OR1L8: variants seen among roughly 807,000 people sequenced by gnomAD.
The protein encoded by OR1L8 is olfactory receptor family 1 subfamily L member 8, also known as olfactory receptor 1L8.
For synonymous variants in OR1L8, 148 were observed against 147.0 expected (o/e 1.01, Z -0.05); for missense variants, 330 against 377.4 (o/e 0.87, Z 1.04).
chr9:122,574,670 A>G (rs1443965467), intron 3 of OR1L8, among the ~76,000 whole-genome samples: 2 of 152,026 alleles, frequency 1.3e-5, no homozygotes, highest in African/African-American at 2.4e-5. Context: ...TCAAATCTGT[A>G]TATCTTTTAT....
Position 122,568,318 on chromosome 9 carries a change from G to C in OR1L8, c.160C>G (p.Pro54Ala). The C allele has an allele frequency of 6.2e-7, 1 of 1,614,130 alleles. No homozygotes were observed. Among genetic ancestry groups the C allele is most frequent in the Non-Finnish European group, 8.5e-7 (1 of 1,179,998 alleles). ...AAATACATAGGGGTCTGAAGATGGGGGTTGAAGCGAATGGCCAGGATGATG... is the reference window on the plus strand; with the variant it reads ...AAATACATAGGGGTCTGAAGATGGGCGTTGAAGCGAATGGCCAGGATGATG... Reference protein sequence around the residue: ...LLIILAIRFNPHLQTPMYFFL... With the variant: ...LLIILAIRFNAHLQTPMYFFL... Residue 54 changes from proline to alanine, a missense_variant, in exon 5 of 5, where the codon CCC (proline) becomes GCC (alanine). Transcript: ENST00000641027.
the OR1L8 span, among the ~76,000 whole-genome samples, chr9:122,550,192 A>G: frequency 6.6e-6 from 1 of 152,156 alleles, no homozygotes; most frequent in Non-Finnish European, 1.5e-5. Context: ...ATCTCCGAAG[A>G]TTGTGCCAGG....
At chr9:122,552,749 AGT>A in the OR1L8 span, among the ~76,000 whole-genome samples, 3,216 of 129,604 alleles carry the variant, frequency 0.025, 71 homozygotes, top group South Asian at 0.12. Flanking sequence ...AGAGGGCTTG[AGT>A]GTGTGTGTGT....
At position 122,567,799 on chromosome 9, in the gene OR1L8, G is replaced by T; in HGVS notation, c.679C>A (p.Leu227Ile). ...FSYIRILTTV[L>I]KIPSTSGKRK... is the part of the protein sequence containing the mutation. Reference sequence around the variant, plus strand: ...TTCCCAGAAGTAGAGGGAATCTTGAGAACTGTAGTGAGGATTCGTATATAA... The same window carrying T: ...TTCCCAGAAGTAGAGGGAATCTTGATAACTGTAGTGAGGATTCGTATATAA... The change falls in exon 5 of 5, where the codon CTC becomes ATC. Residue 227 changes from leucine (L) to isoleucine (I), a missense_variant. Coordinates refer to ENST00000641027, the MANE Select transcript of OR1L8 (RefSeq NM_001004454.2). 1 of 1,614,044 alleles carries T rather than the reference G, an allele frequency of 6.2e-7. No individual in the cohort carries two copies. The highest frequency in any genetic ancestry group is 8.5e-7 in the Non-Finnish European group (1 of 1,179,934).
At chr9:122,551,760 C>A in the OR1L8 span, among the ~76,000 whole-genome samples, 70 of 152,166 alleles carry the variant, frequency 4.6e-4, 2 homozygotes, top group South Asian at 0.014. Context: ...TCGACCTTAA[C>A]GAGCACATTG....
chr9:122,563,786 T>C (rs1016779202), downstream of OR1L8, among the ~76,000 whole-genome samples: 2 of 152,250 alleles, frequency 1.3e-5, no homozygotes, highest in African/African-American at 4.8e-5. Flanking sequence ...AGCAGAGTTT[T>C]GTATGTGGTA....
chr9:122,558,240 G>GT, the OR1L8 span, among the ~76,000 whole-genome samples: 13 of 121,616 alleles, frequency 1.1e-4, no homozygotes, highest in East Asian at 1.7e-3. Flanking sequence ...AATTTTTATT[G>GT]TTTTTTTCTT....
In OR1L8 at chr9:122,572,841, C is replaced by A. The variant is rs1829577583; in HGVS notation, c.-274G>T. The A allele has an allele frequency of 6.6e-6, 1 of 152,248 alleles. No individual in the cohort carries two copies. Among genetic ancestry groups the A allele is most frequent in the South Asian group, 2.1e-4 (1 of 4,838 alleles). The allele number at this position is 152,248 out of a possible 1,614,324, so 9.4% of individuals were successfully genotyped here. A position where few individuals can be genotyped will look rare whatever the true frequency, so the allele number is the denominator to read the frequency against. ...CTCAAGAAGTGGATCTTCTGCACATCTGTGATTTCCAACTCTGCTTCTTAG... is the reference window on the plus strand; with the variant it reads ...CTCAAGAAGTGGATCTTCTGCACATATGTGATTTCCAACTCTGCTTCTTAG... On this transcript the variant is annotated 5_prime_UTR_variant, in exon 4 of 5. Coordinates refer to ENST00000641027, the MANE Select transcript of OR1L8 (RefSeq NM_001004454.2).
chr9:122,550,924 GAAA>G, the OR1L8 span, among the ~76,000 whole-genome samples: 1 of 142,606 alleles, frequency 7.0e-6, no homozygotes, highest in Non-Finnish European at 1.5e-5. Flanking sequence ...AACAATCAGG[GAAA>G]AAAAAAAAAG....
intron 1 of OR1L8, among the ~76,000 whole-genome samples, chr9:122,578,785 A>G (rs925013961): frequency 3.9e-5 from 6 of 152,120 alleles, no homozygotes; most frequent in African/African-American, 7.2e-5. Context: ...GAATGATACA[A>G]TGAACTTTGG....
intron 4 of OR1L8, among the ~76,000 whole-genome samples, chr9:122,571,421 G>A (rs549076400): frequency 7.9e-5 from 12 of 152,002 alleles, no homozygotes; most frequent in African/African-American, 2.9e-4. Flanking sequence ...ATGGTGGCGG[G>A]GGCCTGTAAT....
chr9:122,578,961 AAAAT>A (rs1829703601), intron 1 of OR1L8, among the ~76,000 whole-genome samples: 1 of 125,594 alleles, frequency 8.0e-6, no homozygotes. Flanking sequence ...AAAATTCTGA[AAAAT>A]AAATCTCAGA....
the OR1L8 span, among the ~76,000 whole-genome samples, chr9:122,559,012 A>G: frequency 0.27 from 41,403 of 151,894 alleles, 5,815 homozygotes; most frequent in Middle Eastern, 0.34. Context: ...AGGATAATTC[A>G]CATATCCGTC....
chr9:122,551,430 A>G, the OR1L8 span, among the ~76,000 whole-genome samples: 1 of 152,118 alleles, frequency 6.6e-6, no homozygotes. Flanking sequence ...TTTTGAGGGT[A>G]TTGTTTCCAT....
chr9:122,571,409 G>T (rs1829545743), intron 4 of OR1L8, among the ~76,000 whole-genome samples: 1 of 151,992 alleles, frequency 6.6e-6, no homozygotes, highest in African/African-American at 2.4e-5. Flanking sequence ...AATTAGCCAG[G>T]CATGGTGGCG....
chr9:122,576,225 T>TA (rs1829653388), intron 3 of OR1L8, among the ~76,000 whole-genome samples: 1 of 151,516 alleles, frequency 6.6e-6, no homozygotes, highest in South Asian at 2.1e-4. Context: ...TTTTTTACAT[T>TA]TTTTTTTATT....
chr9:122,571,045 C>T (rs181823725), intron 4 of OR1L8, among the ~76,000 whole-genome samples: 66 of 152,292 alleles, frequency 4.3e-4, no homozygotes, highest in African/African-American at 1.4e-3. Flanking sequence ...ATCTTACAAT[C>T]GTGCATTGGT....
the OR1L8 span, among the ~76,000 whole-genome samples, chr9:122,549,975 T>G: frequency 1.3e-5 from 2 of 152,176 alleles, no homozygotes; most frequent in African/African-American, 4.8e-5. Flanking sequence ...ACAATATTGA[T>G]TCTTCCAATC....
chr9:122,580,609 G>A (rs1211216341), intron 1 of OR1L8, among the ~76,000 whole-genome samples: 2 of 152,050 alleles, frequency 1.3e-5, no homozygotes, highest in East Asian at 3.9e-4. Flanking sequence ...GGAATTCCTA[G>A]AAAAAAGGCA....
Sources: allele counts gnomAD v4.1 joint callset (sites outside exome capture counted in the v4.1 genomes callset), GRCh38; gene constraint gnomAD v4.1.1; transcripts MANE v1.5; gene names NCBI Gene and HGNC (gene_info 2026-07-23, HGNC 2026-07-21).